The following SYT1 variants were observed in gnomAD, a reference collection of about 807,000 sequenced individuals.
The protein encoded by SYT1 is synaptotagmin-1.
SYT1 carries 8 observed loss-of-function variants against 44.8 expected under a neutral mutation model. That is an observed-to-expected ratio of 0.18 (90% CI 0.10 to 0.32). SYT1 has a LOEUF of 0.32. SYT1 is among the 10% of genes least tolerant of loss of function. The pLI is 1.00. For synonymous variants in SYT1, 154 were observed against 188.8 expected (o/e 0.82, Z 1.51); for missense variants, 286 against 509.3 (o/e 0.56, Z 4.22).
upstream of SYT1, chr12:78,864,557 T>C (rs1172357633): frequency 8.6e-5 from 13 of 151,872 alleles, no homozygotes; most frequent in Non-Finnish European, 1.9e-4. Flanking sequence ...CTGTCCGCTG[T>C]GGGGATGGAG....
chr12:79,319,777 C>T (rs1881266707), intron 8 of SYT1, among the ~76,000 whole-genome samples: 1 of 152,190 alleles, frequency 6.6e-6, no homozygotes. Flanking sequence ...GTTTTCAAGT[C>T]CCTCTATTCC....
Position 79,451,355 on chromosome 12 carries a change from T to C in SYT1, c.*2231T>C, listed in dbSNP as rs1207494157. On this transcript the variant is annotated 3_prime_UTR_variant, in exon 11 of 11. Coordinates refer to ENST00000261205, the MANE Select transcript of SYT1 (RefSeq NM_005639.3). ...AACAGAAAATTCAAACAAGACTCTT[T>C]CCAATTTAAAGGGCCAAACCCTACC... The C allele has an allele frequency of 2.0e-5, 3 of 152,212 alleles. No individual in the cohort carries two copies. The highest frequency in any genetic ancestry group is 4.1e-4 in the South Asian group (2 of 4,828). The allele number at this position is 152,212 out of a possible 1,614,324, so 9.4% of individuals were successfully genotyped here. A position where few individuals can be genotyped will look rare whatever the true frequency, so the allele number is the denominator to read the frequency against.
intron 3 of SYT1, among the ~76,000 whole-genome samples, chr12:79,132,742 A>G (rs947656088): frequency 2.6e-5 from 4 of 151,302 alleles, no homozygotes; most frequent in African/African-American, 9.7e-5. Context: ...CAATCTCAAT[A>G]CTGGGTAGCT....
chr12:78,962,332 C>CTTTTTTT (rs35875550), intron 1 of SYT1, among the ~76,000 whole-genome samples: 4 of 130,130 alleles, frequency 3.1e-5, no homozygotes, highest in African/African-American at 2.8e-5. Flanking sequence ...AGCATTCTTT[C>CTTTTTTT]TTTTTTTTTT....
intron 9 of SYT1, among the ~76,000 whole-genome samples, chr12:79,376,003 T>A (rs1883979985): frequency 6.6e-6 from 1 of 152,226 alleles, no homozygotes; most frequent in South Asian, 2.1e-4. Context: ...AAATGATTAA[T>A]CATTTCTATA....
rs1235039471 is a variant in SYT1 at position 79,041,997 on chromosome 12, C to T, written c.-83-5300C>T. Among the ~76,000 whole-genome samples the T allele has an allele frequency of 2.7e-4, 41 of 151,994 alleles. 2 individuals are homozygous for T. In the South Asian group the frequency reaches 8.5e-3, roughly 32 times the overall value. On this transcript the variant is annotated intron_variant, in intron 2 of 10. Transcript: ENST00000261205. ...AGCCCACTTGATCATGGTGGATAAG[C>T]TTTTTGATGTGCTGCTGGATTCGTT...
intron 1 of SYT1, among the ~76,000 whole-genome samples, chr12:78,932,085 G>A (rs779487941): frequency 1.1e-4 from 17 of 152,268 alleles, no homozygotes; most frequent in Non-Finnish European, 2.1e-4. Flanking sequence ...TTTATTCTTC[G>A]TGACAGTTTG....
chr12:78,904,510 G>C (rs1875849855), intron 1 of SYT1, among the ~76,000 whole-genome samples: 1 of 152,076 alleles, frequency 6.6e-6, no homozygotes, highest in African/African-American at 2.4e-5. Flanking sequence ...ACCTAACTCT[G>C]CCCAAGGATG....
intron 8 of SYT1, among the ~76,000 whole-genome samples, chr12:79,308,752 A>G (rs1220621353): frequency 6.6e-6 from 1 of 152,214 alleles, no homozygotes; most frequent in Non-Finnish European, 1.5e-5. Context: ...CACTGTGGCT[A>G]CAATACCAAT....
chr12:79,060,659 C>T (rs1010869365), intron 3 of SYT1, among the ~76,000 whole-genome samples: 1 of 152,060 alleles, frequency 6.6e-6, no homozygotes, highest in Non-Finnish European at 1.5e-5. Context: ...CTTCCTAAGG[C>T]TGAATAATAT....
intron 9 of SYT1, among the ~76,000 whole-genome samples, chr12:79,375,892 T>TCC (rs1331243256): frequency 6.6e-6 from 1 of 152,142 alleles, no homozygotes; most frequent in Admixed American, 6.5e-5. Flanking sequence ...GCCAACCATC[T>TCC]CCCACCTTGT....
rs922019578 is a variant in SYT1, at chr12:79,429,730, C to G, written c.929-14343C>G. ...ACTTTTAGTAGAGACGGGGTTTCAC[C>G]GTGTTAGCCAGGATGGTCTTCATCT... On this transcript the variant is annotated intron_variant, in intron 9 of 10. Coordinates refer to ENST00000261205, the MANE Select transcript of SYT1 (RefSeq NM_005639.3). Among the ~76,000 whole-genome samples, 3 of 152,224 alleles carry G rather than the reference C, an allele frequency of 2.0e-5. No homozygotes were observed. The East Asian group carries it at 5.8e-4, about 29-fold the overall frequency.
chr12:79,325,652 C>T (rs1881577852), intron 8 of SYT1, among the ~76,000 whole-genome samples: 1 of 152,126 alleles, frequency 6.6e-6, no homozygotes, highest in African/African-American at 2.4e-5. Flanking sequence ...TCCTTTTACA[C>T]TGATTTAGTA....
chr12:79,104,566 C>T (rs1878610394), intron 3 of SYT1, among the ~76,000 whole-genome samples: 1 of 151,858 alleles, frequency 6.6e-6, no homozygotes, highest in African/African-American at 2.4e-5. Context: ...TATTAATAGG[C>T]AAGGATCTCT....
intron 2 of SYT1, among the ~76,000 whole-genome samples, chr12:78,983,100 C>T (rs181150429): frequency 1.5e-3 from 219 of 145,524 alleles, no homozygotes; most frequent in African/African-American, 4.4e-3. Context: ...TTTTTTTTTT[C>T]AGTCAGTAAT....
intron 9 of SYT1, among the ~76,000 whole-genome samples, chr12:79,360,088 C>T (rs1205067873): frequency 1.3e-5 from 2 of 152,088 alleles, no homozygotes; most frequent in Admixed American, 1.3e-4. Context: ...ACACACATAC[C>T]CATGTTATTT....
chr12:79,256,016 A>G (rs961079203), intron 4 of SYT1, among the ~76,000 whole-genome samples: 16 of 152,236 alleles, frequency 1.1e-4, no homozygotes, highest in African/African-American at 3.1e-4. Context: ...TTGAATTAAA[A>G]TATATCCCTA....
At chr12:79,112,844 C>T (rs971679988) in intron 3 of SYT1, among the ~76,000 whole-genome samples, 1 of 151,974 alleles carries the variant, frequency 6.6e-6, no homozygotes. Flanking sequence ...TTGTAGAGAA[C>T]TTCTATTTCT....
intron 3 of SYT1, among the ~76,000 whole-genome samples, chr12:79,158,183 A>G (rs185066278): frequency 1.1e-4 from 16 of 152,220 alleles, no homozygotes; most frequent in African/African-American, 3.6e-4. Flanking sequence ...ATAACTCACT[A>G]TCATGTAGAA....
Sources: gnomAD v4.1 joint callset for allele counts (sites outside exome capture counted in the v4.1 genomes callset) on GRCh38, gnomAD v4.1.1 for gene constraint, MANE v1.5 for transcripts, NCBI Gene and HGNC (gene_info 2026-07-23, HGNC 2026-07-21) for gene names.